Variants in RTL4 observed in about 807,000 individuals in gnomAD.
The protein encoded by RTL4 is retrotransposon Gag-like protein 4.
Under a neutral mutation model 5.3 loss-of-function variants are expected in RTL4, and 4 were observed. The observed-to-expected ratio is 0.75, with a 90% CI of 0.37 to 1.72. The LOEUF is 1.72. Ranked by LOEUF, RTL4 falls within the 40% of genes most tolerant of loss-of-function variation. The pLI is 0.04. For missense variants in RTL4, 260 were observed against 227.1 expected, an observed-to-expected ratio of 1.14 and a Z score of -0.93; for synonymous variants, 98 against 87.3, an observed-to-expected ratio of 1.12 and a Z score of -0.68.
chrX:112,332,533 G>T, the RTL4 span, among the ~76,000 whole-genome samples: 1 of 109,522 alleles, frequency 9.1e-6, no homozygotes, highest in African/African-American at 3.4e-5. Context: ...CCTTTGTAGG[G>T]ACATGGATGA....
chrX:112,271,579 A>G, the RTL4 span, among the ~76,000 whole-genome samples: 8 of 112,435 alleles, frequency 7.1e-5, no homozygotes, highest in African/African-American at 2.6e-4. Flanking sequence ...GAAGGCATAC[A>G]TAATTCCTGC....
At chrX:112,327,308 T>C in the RTL4 span, among the ~76,000 whole-genome samples, 3 of 111,710 alleles carry the variant, frequency 2.7e-5, no homozygotes, top group Non-Finnish European at 5.6e-5. Flanking sequence ...GAGAAGTGCT[T>C]AAAGGAGCTG....
At chrX:112,280,410 C>T in the RTL4 span, among the ~76,000 whole-genome samples, 4 of 111,483 alleles carry the variant, frequency 3.6e-5, no homozygotes, top group African/African-American at 6.5e-5. Flanking sequence ...CAAACCTCAG[C>T]GGTATGCAAT....
the RTL4 span, among the ~76,000 whole-genome samples, chrX:112,326,654 A>G: frequency 2.0e-4 from 22 of 112,063 alleles, no homozygotes; most frequent in Non-Finnish European, 3.2e-4. Context: ...GGAGCCCACC[A>G]CAGCTCAAGG....
the RTL4 span, among the ~76,000 whole-genome samples, chrX:112,232,966 C>T: frequency 1.8e-5 from 2 of 111,310 alleles, no homozygotes; most frequent in Admixed American, 9.6e-5. Context: ...GCTACCATCA[C>T]TGTTCATAAG....
At chrX:112,443,977 C>T in the RTL4 span, among the ~76,000 whole-genome samples, 1 of 111,421 alleles carries the variant, frequency 9.0e-6, no homozygotes, top group Non-Finnish European at 1.9e-5. Flanking sequence ...TTGCTTCGGT[C>T]GCCTATGCTT....
chrX:112,149,026 G>A, the RTL4 span, among the ~76,000 whole-genome samples: 1 of 111,009 alleles, frequency 9.0e-6, no homozygotes, highest in Non-Finnish European at 1.9e-5. Context: ...GTATCTGTCT[G>A]TATATGGAAG....
At chrX:112,122,339 A>G in the RTL4 span, among the ~76,000 whole-genome samples, 2 of 111,589 alleles carry the variant, frequency 1.8e-5, no homozygotes, top group Non-Finnish European at 1.9e-5. Context: ...ACAGAAAGAC[A>G]AATATCACAT....
the RTL4 span, among the ~76,000 whole-genome samples, chrX:112,340,704 G>A: frequency 0.075 from 8,238 of 109,327 alleles, 776 homozygotes; most frequent in African/African-American, 0.26. Flanking sequence ...CCTCTATTAA[G>A]GAGGAAATAA....
the RTL4 span, among the ~76,000 whole-genome samples, chrX:112,325,356 C>T: frequency 2.7e-5 from 3 of 111,490 alleles, no homozygotes; most frequent in Non-Finnish European, 3.8e-5. Context: ...AATCCTAAGC[C>T]AAAAGAACAA....
At chrX:112,370,449 G>A in the RTL4 span, among the ~76,000 whole-genome samples, 14 of 111,761 alleles carry the variant, frequency 1.3e-4, no homozygotes, top group Non-Finnish European at 2.6e-4. Flanking sequence ...ATTTCCTCCA[G>A]GCTAATATAA....
the RTL4 span, among the ~76,000 whole-genome samples, chrX:112,288,500 A>G: frequency 1.8e-5 from 2 of 112,233 alleles, no homozygotes; most frequent in African/African-American, 6.5e-5. Flanking sequence ...ATAGTCAATA[A>G]GCAGCTATTA....
At chrX:112,264,175 T>C in the RTL4 span, among the ~76,000 whole-genome samples, 1 of 112,051 alleles carries the variant, frequency 8.9e-6, no homozygotes, top group African/African-American at 3.2e-5. Flanking sequence ...CGACTGCTAC[T>C]ACTACTAGTA....
At chrX:112,341,888 G>C in the RTL4 span, among the ~76,000 whole-genome samples, 1 of 111,249 alleles carries the variant, frequency 9.0e-6, no homozygotes, top group Non-Finnish European at 1.9e-5. Flanking sequence ...TTCTTTTCCT[G>C]TACCCTCCCT....
the RTL4 span, among the ~76,000 whole-genome samples, chrX:112,264,708 T>G: frequency 9.0e-6 from 1 of 111,711 alleles, no homozygotes; most frequent in Non-Finnish European, 1.9e-5. Flanking sequence ...CTCTTCCTAG[T>G]CATCCACCAA....
At chrX:112,353,217 G>A in the RTL4 span, among the ~76,000 whole-genome samples, 850 of 111,529 alleles carry the variant, frequency 7.6e-3, 11 homozygotes, top group African/African-American at 0.026. Flanking sequence ...AAATAGGAAC[G>A]CTTTTACACT....
the RTL4 span, among the ~76,000 whole-genome samples, chrX:112,144,765 T>C: frequency 1.8e-5 from 2 of 111,848 alleles, no homozygotes; most frequent in Admixed American, 9.5e-5. Context: ...CCAAACGCTC[T>C]TCTGTTCCTC....
the RTL4 span, among the ~76,000 whole-genome samples, chrX:112,228,835 C>T: frequency 9.0e-6 from 1 of 111,453 alleles, no homozygotes; most frequent in Non-Finnish European, 1.9e-5. Context: ...GTTTTTGTCT[C>T]CATATAATTC....
chrX:112,389,034 C>T, the RTL4 span, among the ~76,000 whole-genome samples: 1 of 110,594 alleles, frequency 9.0e-6, no homozygotes, highest in Non-Finnish European at 1.9e-5. Context: ...GGCTGTGGAT[C>T]CATTCAGGTC....
Sources: gnomAD v4.1 joint callset for allele counts (sites outside exome capture counted in the v4.1 genomes callset) on GRCh38, gnomAD v4.1.1 for gene constraint, MANE v1.5 for transcripts, NCBI Gene and HGNC (gene_info 2026-07-23, HGNC 2026-07-21) for gene names.